The following ADARB2 variants were observed in gnomAD, a reference collection of about 807,000 sequenced individuals.
The protein encoded by ADARB2 is inactive double-stranded RNA-specific editase B2.
In ADARB2, 25 loss-of-function variants were observed where a neutral mutation model predicts 62.2. That is an observed-to-expected ratio of 0.40 (90% CI 0.29 to 0.56). The LOEUF is 0.56. Among genes scored for constraint, ADARB2 ranks in the 20% least tolerant of loss-of-function variants. ADARB2 has a pLI of 0.43. For synonymous variants in ADARB2, 572 were observed against 500.8 expected (o/e 1.14, Z -1.90); for missense variants, 1,071 against 1,077.4 (o/e 0.99, Z 0.08).
In ADARB2 at chr10:1,183,163, G is replaced by A. The variant is rs1289400052; in HGVS notation, c.*30C>T. On this transcript the variant is annotated 3_prime_UTR_variant, in exon 10 of 10. Coordinates refer to ENST00000381312, the MANE Select transcript of ADARB2 (RefSeq NM_018702.4). ...CACGGTCCCATCCCTCCAGCGTCCC[G>A]CTCAGCTCCAGCAGCCAGGAGCCCG... 3.1e-6 allele frequency: 5 copies of A among 1,607,306 alleles called. No homozygotes were observed. Among genetic ancestry groups the A allele is most frequent in the East Asian group, 2.2e-5 (1 of 44,738 alleles).
rs752097463 is a variant in ADARB2 at position 1,233,697 on chromosome 10, C to G, written c.1510G>C (p.Asp504His). 1 of 1,612,660 alleles carries G rather than the reference C, an allele frequency of 6.2e-7. No homozygotes were observed. The highest frequency in any genetic ancestry group is 8.5e-7 in the Non-Finnish European group (1 of 1,179,332). ...AGGTAAAAGCATGGTCTCTTACGGT[C>G]TGTGGTGATCTCGTAGGGAGAGTGG... ...RLHSPYEITTDLHSSKHLVRK... is the reference protein window; with the variant it reads ...RLHSPYEITTHLHSSKHLVRK... Residue 504 changes from aspartate to histidine, a missense_variant, in exon 6 of 10, where the codon GAC becomes CAC. By Grantham distance (81) the Asp-to-His change is moderately conservative (BLOSUM62 -1). Coordinates refer to ENST00000381312, the MANE Select transcript of ADARB2 (RefSeq NM_018702.4).
chr10:1,571,102 G>T (rs1239851822), intron 1 of ADARB2, among the ~76,000 whole-genome samples: 1 of 152,090 alleles, frequency 6.6e-6, no homozygotes, highest in Non-Finnish European at 1.5e-5. Flanking sequence ...GCATTTCTAA[G>T]AATAATTTTT....
intron 1 of ADARB2, among the ~76,000 whole-genome samples, chr10:1,402,539 C>G (rs1187732104): frequency 2.0e-5 from 3 of 152,154 alleles, no homozygotes; most frequent in Non-Finnish European, 4.4e-5. Flanking sequence ...TGTGAATTCT[C>G]AAATATGTGA....
intron 1 of ADARB2, among the ~76,000 whole-genome samples, chr10:1,382,599 C>A (rs995755519): frequency 6.6e-6 from 1 of 152,104 alleles, no homozygotes; most frequent in Non-Finnish European, 1.5e-5. Context: ...TAGTTCAATA[C>A]GAGTGGAACT....
chr10:1,675,067 T>C, intron 1 of ADARB2: 1 of 984,596 alleles, frequency 1.0e-6, no homozygotes, highest in Non-Finnish European at 1.2e-6. Context: ...ATGGATGTTC[T>C]GGAGGTTTGG....
rs112668147 is a variant in ADARB2 at position 1,242,281 on chromosome 10, G to A, written c.1211C>T (p.Ala404Val). The change falls in exon 5 of 10, where the codon GCG becomes GTG. Residue 404 changes from alanine (A) to valine (V), a missense_variant. Coordinates refer to ENST00000381312, the MANE Select transcript of ADARB2 (RefSeq NM_018702.4). ...CCCCGAGGACAGGGCCACGACCTGC[G>A]CCTGCCGAGCATCCAGGCCTGGGGA... ...VMTKGLDARQ[A>V]QVVALSSGTK... 3.8e-6 allele frequency: 6 copies of A among 1,564,456 alleles called. No individual in the cohort carries two copies. The highest frequency in any genetic ancestry group is 4.7e-5 in the East Asian group (2 of 42,324).
intron 3 of ADARB2, among the ~76,000 whole-genome samples, chr10:1,357,527 T>G (rs1255740704): frequency 6.6e-6 from 1 of 152,214 alleles, no homozygotes; most frequent in African/African-American, 2.4e-5. Context: ...AATTTGAATT[T>G]CAGATAAATA....
intron 1 of ADARB2, among the ~76,000 whole-genome samples, chr10:1,650,639 T>C (rs2119071603): frequency 6.6e-6 from 1 of 152,314 alleles, no homozygotes; most frequent in South Asian, 2.1e-4. Context: ...TCCCTTACTA[T>C]CTTAAATTAA....
chr10:1,363,297 T>C lies in ADARB2; in HGVS notation c.808A>G (p.Thr270Ala), dbSNP rs3750674. The C allele has an allele frequency of 2.0e-3, 2,432 of 1,232,554 alleles. 80 individuals carry two copies. The East Asian group carries it at 0.075, about 38-fold the overall frequency. The allele number at this position is 1,232,554 out of a possible 1,614,324, so 76.4% of individuals were successfully genotyped here. A position where few individuals can be genotyped will look rare whatever the true frequency, so the allele number is the denominator to read the frequency against. Residue 270 changes from threonine to alanine, a missense_variant, in exon 3 of 10, where the codon ACC becomes GCC. By Grantham distance (58) the Thr-to-Ala change is moderately conservative (BLOSUM62 0). Transcript: ENST00000381312. ...ALDLVGPTPA[T>A]PAAPGERNPV... ...TTGCGCTCGCCCGGGGCCGCGGGGG[T>C]GGCGGGGGTCGGGCCCACCAGGTCC...
chr10:1,522,949 A>T (rs1001602721), intron 1 of ADARB2, among the ~76,000 whole-genome samples: 1 of 152,086 alleles, frequency 6.6e-6, no homozygotes, highest in African/African-American at 2.4e-5. Context: ...TGCGAGGATC[A>T]CAATGTTATT....
At chr10:1,730,384 TAC>T (rs1170086779) in intron 1 of ADARB2, among the ~76,000 whole-genome samples, 1 of 152,220 alleles carries the variant, frequency 6.6e-6, no homozygotes, top group Non-Finnish European at 1.5e-5. Flanking sequence ...ATTTTGCTTG[TAC>T]ACAGTGTGGC....
chr10:1,714,926 T>C (rs1048189485), intron 1 of ADARB2, among the ~76,000 whole-genome samples: 3 of 152,156 alleles, frequency 2.0e-5, no homozygotes, highest in African/African-American at 7.2e-5. Context: ...TACGTATACA[T>C]GTGCCATGTT....
At chr10:1,565,327 C>T (rs1237464567) in intron 1 of ADARB2, among the ~76,000 whole-genome samples, 1 of 152,186 alleles carries the variant, frequency 6.6e-6, no homozygotes, top group Non-Finnish European at 1.5e-5. Flanking sequence ...TCATTGCCTG[C>T]AACACAGATC....
intron 1 of ADARB2, among the ~76,000 whole-genome samples, chr10:1,558,045 C>T (rs959405948): frequency 6.6e-6 from 1 of 152,302 alleles, no homozygotes; most frequent in Middle Eastern, 3.4e-3. Flanking sequence ...GTGGCATCAC[C>T]CCAGGCCCAG....
intron 1 of ADARB2, among the ~76,000 whole-genome samples, chr10:1,605,516 C>T: frequency 6.6e-6 from 1 of 152,232 alleles, no homozygotes; most frequent in African/African-American, 2.4e-5. Context: ...GTGACCATTT[C>T]CTACTGCACT....
chr10:1,342,690 C>G (rs1007611589), intron 3 of ADARB2, among the ~76,000 whole-genome samples: 3 of 152,208 alleles, frequency 2.0e-5, no homozygotes, highest in Non-Finnish European at 4.4e-5. Flanking sequence ...GGAAACCTAC[C>G]GCCCCAATCG....
At chr10:1,565,911 C>G (rs1452250453) in intron 1 of ADARB2, among the ~76,000 whole-genome samples, 1 of 152,022 alleles carries the variant, frequency 6.6e-6, no homozygotes, top group Non-Finnish European at 1.5e-5. Flanking sequence ...TGCACCCCAC[C>G]CTATCAGCCA....
intron 1 of ADARB2, among the ~76,000 whole-genome samples, chr10:1,637,612 A>C (rs897703392): frequency 1.3e-5 from 2 of 152,112 alleles, no homozygotes; most frequent in Non-Finnish European, 2.9e-5. Context: ...AAAGTATTGT[A>C]AGGTGAATTC....
intron 1 of ADARB2, among the ~76,000 whole-genome samples, chr10:1,557,927 A>AAAAACAAAACAAAAC (rs150093757): frequency 0.014 from 2,142 of 149,730 alleles, 55 homozygotes; most frequent in African/African-American, 0.048. Context: ...GACCCTATCT[A>AAAAACAAAACAAAAC]AAAACAAAAC....
Sources: gnomAD v4.1 joint callset for allele counts (sites outside exome capture counted in the v4.1 genomes callset) on GRCh38, gnomAD v4.1.1 for gene constraint, MANE v1.5 for transcripts, NCBI Gene and HGNC (gene_info 2026-07-23, HGNC 2026-07-21) for gene names.